The following DLG2 variants were observed in gnomAD, a reference collection of about 807,000 sequenced individuals.
The protein encoded by DLG2 is discs large MAGUK scaffold protein 2, also known as disks large homolog 2.
In DLG2, 45 loss-of-function variants were observed where a neutral mutation model predicts 132.5. That is an observed-to-expected ratio of 0.34 (90% CI 0.27 to 0.44). The LOEUF (loss-of-function observed/expected upper bound fraction) is 0.44. DLG2 is among the 20% of genes least tolerant of loss of function. DLG2 has a pLI of 1.00. For missense variants in DLG2, 1,045 were observed against 1,196.9 expected (o/e 0.87, Z 1.87); for synonymous variants, 424 against 419.6 (o/e 1.01, Z -0.13).
intron 3 of DLG2, among the ~76,000 whole-genome samples, chr11:85,335,829 A>C (rs933116684): frequency 1.3e-5 from 2 of 152,126 alleles, no homozygotes; most frequent in Non-Finnish European, 2.9e-5. Flanking sequence ...TAGCATTAGG[A>C]GAAATACCTA....
chr11:84,830,495 A>G (rs144209290), intron 6 of DLG2, among the ~76,000 whole-genome samples: 41 of 151,396 alleles, frequency 2.7e-4, no homozygotes, highest in Admixed American at 4.6e-4. Context: ...ATCTAAGTTT[A>G]TCTTCCAGCT....
intron 6 of DLG2, among the ~76,000 whole-genome samples, chr11:84,796,787 T>G (rs1411817672): frequency 6.6e-6 from 1 of 151,974 alleles, no homozygotes; most frequent in Middle Eastern, 3.4e-3. Flanking sequence ...CCTTTGTATG[T>G]TATTTGTGTC....
intron 26 of DLG2, among the ~76,000 whole-genome samples, chr11:83,465,849 CAAAGT>C (rs2090928685): frequency 1.3e-5 from 2 of 152,128 alleles, no homozygotes; most frequent in South Asian, 2.1e-4. Context: ...TGATCAGTGG[CAAAGT>C]AAAGAACCAA....
At chr11:85,092,307 T>A (rs1185808224) in intron 6 of DLG2, among the ~76,000 whole-genome samples, 2 of 152,200 alleles carry the variant, frequency 1.3e-5, no homozygotes, top group Admixed American at 1.3e-4. Flanking sequence ...CAATCTCAGA[T>A]GCCTTAGTCC....
chr11:84,524,464 A>T (rs1212762446), intron 7 of DLG2, among the ~76,000 whole-genome samples: 1 of 152,228 alleles, frequency 6.6e-6, no homozygotes, highest in Admixed American at 6.5e-5. Context: ...GCGTCTGTCA[A>T]GGCCATATTT....
At chr11:83,893,138 C>T (rs1218752252) in intron 15 of DLG2, among the ~76,000 whole-genome samples, 1 of 152,212 alleles carries the variant, frequency 6.6e-6, no homozygotes, top group African/African-American at 2.4e-5. Context: ...CTCTTCAGTG[C>T]TACCACCTTA....
chr11:85,255,190 A>T (rs914280448), intron 4 of DLG2, among the ~76,000 whole-genome samples: 4 of 152,110 alleles, frequency 2.6e-5, no homozygotes, highest in Admixed American at 6.5e-5. Context: ...AATTGCCAAC[A>T]TATCCTTTAG....
At chr11:83,603,975 G>T (rs1479398226) in intron 19 of DLG2, among the ~76,000 whole-genome samples, 1 of 151,986 alleles carries the variant, frequency 6.6e-6, no homozygotes, top group African/African-American at 2.4e-5. Flanking sequence ...GATCCCAAAG[G>T]TTTTTATTTC....
intron 3 of DLG2, among the ~76,000 whole-genome samples, chr11:85,433,105 T>C (rs908340368): frequency 1.3e-5 from 2 of 152,066 alleles, no homozygotes; most frequent in Non-Finnish European, 2.9e-5. Flanking sequence ...ATCCTTATCA[T>C]AGAGCAAATG....
chr11:83,986,357 A>G (rs1266401177), intron 11 of DLG2, among the ~76,000 whole-genome samples: 4 of 151,716 alleles, frequency 2.6e-5, no homozygotes, highest in South Asian at 2.1e-4. Flanking sequence ...ATGATTTCCA[A>G]TTTCATCCAT....
chr11:84,826,128 C>A (rs920379996), intron 6 of DLG2, among the ~76,000 whole-genome samples: 1 of 151,802 alleles, frequency 6.6e-6, no homozygotes, highest in Admixed American at 6.6e-5. Flanking sequence ...CACAGGCATG[C>A]AACATGTAAT....
chr11:83,528,423 A>T (rs2095660019), intron 21 of DLG2, among the ~76,000 whole-genome samples: 1 of 152,088 alleles, frequency 6.6e-6, no homozygotes, highest in Admixed American at 6.6e-5. Context: ...ACCTTTGCAC[A>T]CTGGTGTCCT....
At chr11:85,249,961 A>ACATT (rs138097556) in intron 4 of DLG2, among the ~76,000 whole-genome samples, 1,919 of 152,272 alleles carry the variant, frequency 0.013, 30 homozygotes, top group African/African-American at 0.042. Context: ...AAAGAAAGGA[A>ACATT]CATTGTCCTT....
chr11:84,059,323 C>G lies in DLG2; in HGVS notation c.911G>C (p.Gly304Ala). 6.2e-7 allele frequency: 1 copy of G among 1,613,340 alleles called. No homozygotes were observed. The highest frequency in any genetic ancestry group is 1.7e-5 in the Admixed American group (1 of 59,892). Residue 304 changes from glycine (G) to alanine (A), a missense_variant, in exon 11 of 28, where the codon GGC becomes GCC. This residue lies in a region of DLG2 where 109 missense variants were observed against 159.1 expected (regional missense o/e 0.69). Coordinates refer to ENST00000376104, the MANE Select transcript of DLG2 (RefSeq NM_001142699.3). Reference sequence around the variant, plus strand: ...ATTTATATTTTGATTACCTTTAGGGCCTTTGAACAGTTTGATTTCCACAAC... The same window carrying G: ...ATTTATATTTTGATTACCTTTAGGGGCTTTGAACAGTTTGATTTCCACAAC... ...ETVVEIKLFKGPKGLGFSIAG... is the reference protein window; with the variant it reads ...ETVVEIKLFKAPKGLGFSIAG...
intron 19 of DLG2, among the ~76,000 whole-genome samples, chr11:83,547,112 G>A (rs2096262006): frequency 6.6e-6 from 1 of 152,032 alleles, no homozygotes; most frequent in Admixed American, 6.6e-5. Context: ...TAAAAGTATT[G>A]GTGTTTACTA....
chr11:83,755,354 G>C (rs557238116), intron 18 of DLG2, among the ~76,000 whole-genome samples: 7 of 151,222 alleles, frequency 4.6e-5, no homozygotes, highest in African/African-American at 1.7e-4. Flanking sequence ...ATCTGTGGGT[G>C]ATGTCCACAA....
chr11:84,111,235 T>C (rs967903191), intron 9 of DLG2, among the ~76,000 whole-genome samples: 1 of 152,240 alleles, frequency 6.6e-6, no homozygotes, highest in Non-Finnish European at 1.5e-5. Flanking sequence ...AACTGAACTA[T>C]TTCCTATTCT....
At chr11:84,832,108 T>C (rs1453509207) in intron 6 of DLG2, among the ~76,000 whole-genome samples, 2 of 151,698 alleles carry the variant, frequency 1.3e-5, no homozygotes, top group Non-Finnish European at 3.0e-5. Flanking sequence ...TGAAGAGGAA[T>C]TCTGGATTCT....
chr11:83,651,199 T>G lies in DLG2; in HGVS notation c.1826-17874A>C, dbSNP rs71465548. Among the ~76,000 whole-genome samples the G allele has an allele frequency of 3.7e-3, 567 of 152,224 alleles. 4 individuals are homozygous for G. The highest frequency in any genetic ancestry group is 0.029 in the South Asian group (138 of 4,822). On this transcript the variant is annotated intron_variant, in intron 18 of 27. Transcript: ENST00000376104. ...TAATAGGTACTCAATAAATATCAAT[T>G]GAATTGAATAAGAAAACTGAGTTTA...
Sources: allele counts gnomAD v4.1 joint callset (sites outside exome capture counted in the v4.1 genomes callset), GRCh38; gene constraint gnomAD v4.1.1; regional missense constraint gnomAD v4.1.1; transcripts MANE v1.5; gene names NCBI Gene and HGNC (gene_info 2026-07-23, HGNC 2026-07-21).